TEAD1: variants seen among roughly 807,000 people sequenced by gnomAD.
TEAD1 encodes TEA domain transcription factor 1.
Under a neutral mutation model 54.9 loss-of-function variants are expected in TEAD1, and 9 were observed. The ratio of observed to expected loss-of-function variants is 0.16; its 90% CI spans 0.10 to 0.29. The LOEUF (loss-of-function observed/expected upper bound fraction) is 0.29, where lower values mean the gene tolerates loss of function less well. TEAD1 is among the 10% of genes least tolerant of loss of function. TEAD1 has a pLI of 1.00. For synonymous variants in TEAD1, 200 were observed against 187.8 expected (o/e 1.07, Z -0.53); for missense variants, 387 against 535.9 (o/e 0.72, Z 2.74).
chr11:12,705,100 T>C (rs995944873), intron 2 of TEAD1, among the ~76,000 whole-genome samples: 19 of 152,198 alleles, frequency 1.2e-4, no homozygotes, highest in African/African-American at 4.6e-4. Flanking sequence ...GCCATACTAC[T>C]CTTAAAGCTG....
rs551522416 is a variant in TEAD1, at chr11:12,849,794, A to G, written c.203-12456A>G. The stretch of plus-strand genomic sequence containing the variant: ...TTGGCTATACTTACCTTCTGGCAAA[A>G]ACCTCATTCCTGCTATTTATTCAGT... On this transcript the variant is annotated intron_variant, in intron 3 of 12. Transcript: ENST00000527636. Among the ~76,000 whole-genome samples, 7 of 152,300 alleles carry G rather than the reference A, an allele frequency of 4.6e-5. No homozygotes were observed. In the South Asian group the frequency reaches 1.2e-3, roughly 27 times the overall value.
chr11:12,772,453 AG>A (rs1272366606), intron 3 of TEAD1, among the ~76,000 whole-genome samples: 18 of 152,100 alleles, frequency 1.2e-4, no homozygotes, highest in South Asian at 4.1e-4. Context: ...GAGGGCCGAG[AG>A]GGGGCCTCAT....
intron 9 of TEAD1, among the ~76,000 whole-genome samples, chr11:12,897,091 C>G (rs1440713741): frequency 6.6e-6 from 1 of 152,148 alleles, no homozygotes; most frequent in Non-Finnish European, 1.5e-5. Flanking sequence ...GACATTCGCC[C>G]TTTTTCTGCT....
intron 3 of TEAD1, among the ~76,000 whole-genome samples, chr11:12,781,136 C>G (rs148059923): frequency 6.6e-6 from 1 of 152,136 alleles, no homozygotes. Flanking sequence ...CTGAGACATG[C>G]GAAGAGTGAA....
chr11:12,827,808 C>A (rs1394541758), intron 3 of TEAD1, among the ~76,000 whole-genome samples: 5 of 152,170 alleles, frequency 3.3e-5, no homozygotes, highest in African/African-American at 4.8e-5. Context: ...GATACTTACT[C>A]CTTGCTTCCC....
intron 3 of TEAD1, among the ~76,000 whole-genome samples, chr11:12,768,116 C>T (rs2133930938): frequency 1.3e-5 from 2 of 152,314 alleles, no homozygotes; most frequent in Middle Eastern, 6.8e-3. Context: ...AACTAACCTT[C>T]ACTGGTTGCT....
intron 5 of TEAD1, chr11:12,878,821 T>C: frequency 9.5e-7 from 1 of 1,050,740 alleles, no homozygotes; most frequent in Non-Finnish European, 1.3e-6. Flanking sequence ...GTTTTTTTTT[T>C]AACCAAAGAA....
At chr11:12,826,440 T>A (rs1474455625) in intron 3 of TEAD1, among the ~76,000 whole-genome samples, 1 of 152,160 alleles carries the variant, frequency 6.6e-6, no homozygotes, top group Non-Finnish European at 1.5e-5. Context: ...GGGGAATCCA[T>A]AGTGGTTTTT....
In TEAD1 at chr11:12,937,347, G is replaced by A. The variant is rs1443243420; in HGVS notation, c.*125G>A. On this transcript the variant is annotated 3_prime_UTR_variant, in exon 13 of 13. Transcript: ENST00000527636. ...CCACACAGGGTGGTGCCCTGGCCCC[G>A]AGGTCACCCCGACTTTTCTAAATCT... 3.6e-5 allele frequency: 27 copies of A among 760,022 alleles called. No individual in the cohort carries two copies. Among genetic ancestry groups the A allele is most frequent in the East Asian group, 1.9e-4 (7 of 36,262 alleles). The allele number at this position is 760,022 out of a possible 1,614,324, so 47.1% of individuals were successfully genotyped here.
chr11:12,723,367 G>A (rs1050169085), intron 2 of TEAD1, among the ~76,000 whole-genome samples: 8 of 152,162 alleles, frequency 5.3e-5, no homozygotes, highest in Non-Finnish European at 7.4e-5. Flanking sequence ...CCTAGCTGTG[G>A]TTGAGGTCAG....
At chr11:12,722,943 C>G (rs1944241106) in intron 2 of TEAD1, among the ~76,000 whole-genome samples, 1 of 151,788 alleles carries the variant, frequency 6.6e-6, no homozygotes, top group Non-Finnish European at 1.5e-5. Context: ...GCTGAATTTA[C>G]TTAACCATTC....
Position 12,942,006 on chromosome 11 carries a change from T to C in TEAD1, c.*4784T>C, listed in dbSNP as rs1359981989. The stretch of plus-strand genomic sequence containing the variant: ...TCTTCATTTTTGTTTTGTAAGCCCA[T>C]TTTTTCTCCAGTTCTATAGGAAACT... On this transcript the variant is annotated 3_prime_UTR_variant, in exon 13 of 13. Transcript: ENST00000527636. 1 of 152,600 alleles carries C rather than the reference T, an allele frequency of 6.6e-6. No individual in the cohort carries two copies. The highest frequency in any genetic ancestry group is 1.5e-5 in the Non-Finnish European group (1 of 68,030). 9.5% of individuals were successfully genotyped at this position (152,600 alleles called of 1,614,324 possible).
rs577930618 is a variant in TEAD1, at chr11:12,829,606, C to G, written c.203-32644C>G. On this transcript the variant is annotated intron_variant, in intron 3 of 12. Coordinates refer to ENST00000527636, the MANE Select transcript of TEAD1 (RefSeq NM_021961.6). ...ACTGATCCTCTGGCTAAACATTTTT[C>G]TTCCTTTATCCATGTATTTATTGAG... Among the ~76,000 whole-genome samples, 231 of 152,124 alleles carry G rather than the reference C, an allele frequency of 1.5e-3. 2 individuals carry two copies. The highest frequency in any genetic ancestry group is 5.5e-3 in the African/African-American group (227 of 41,406).
chr11:12,884,020 C>G (rs1948033748), intron 9 of TEAD1, among the ~76,000 whole-genome samples: 1 of 151,142 alleles, frequency 6.6e-6, no homozygotes, highest in Non-Finnish European at 1.5e-5. Flanking sequence ...GAAGAAGTAA[C>G]AAAATGGCAC....
intron 2 of TEAD1, among the ~76,000 whole-genome samples, chr11:12,711,629 C>T (rs1162663806): frequency 6.6e-6 from 1 of 152,202 alleles, no homozygotes; most frequent in African/African-American, 2.4e-5. Flanking sequence ...CAGTGAGATG[C>T]AGTTTCCCAT....
chr11:12,845,737 A>G (rs1195169812), intron 3 of TEAD1, among the ~76,000 whole-genome samples: 2 of 152,230 alleles, frequency 1.3e-5, no homozygotes, highest in Non-Finnish European at 2.9e-5. Context: ...CGTGTCTTGC[A>G]CTAGCCAAGA....
chr11:12,930,059 C>A, intron 11 of TEAD1, 115 bp from the exon 12 acceptor site: 1 of 1,131,360 alleles, frequency 8.8e-7, no homozygotes, highest in Non-Finnish European at 1.3e-6. Context: ...AGTAGTATAG[C>A]ATATAGAAGA....
intron 9 of TEAD1, among the ~76,000 whole-genome samples, chr11:12,900,201 A>C (rs1948400639): frequency 6.6e-6 from 1 of 151,020 alleles, no homozygotes; most frequent in Non-Finnish European, 1.5e-5. Context: ...AGCTGGAACT[A>C]CAGGCATGCA....
In TEAD1 at chr11:12,887,097, GT is replaced by G. The variant is rs150663285; in HGVS notation, c.699+3986del. ...AGTTTTTTTGTTTTTTTTTTTGTTT[GT>G]TTTTTTTTTTTTTGGAGACACAGAG... On this transcript the variant is annotated intron_variant, in intron 9 of 12. Coordinates refer to ENST00000527636, the MANE Select transcript of TEAD1 (RefSeq NM_021961.6). 8.6e-4 allele frequency among the ~76,000 whole-genome samples: 97 copies of G among 112,752 alleles called. 4 individuals carry two copies. Among genetic ancestry groups the G allele is most frequent in the East Asian group, 3.1e-3 (11 of 3,592 alleles). 74.0% of individuals were successfully genotyped at this position (112,752 alleles called of 152,430 possible). A position where few individuals can be genotyped will look rare whatever the true frequency, so the allele number is the denominator to read the frequency against.
Sources: allele counts gnomAD v4.1 joint callset (sites outside exome capture counted in the v4.1 genomes callset), GRCh38; gene constraint gnomAD v4.1.1; transcripts MANE v1.5; gene names NCBI Gene and HGNC (gene_info 2026-07-23, HGNC 2026-07-21).